The following GTF3C1 variants were observed in gnomAD, a reference collection of about 807,000 sequenced individuals.
GTF3C1 encodes the protein general transcription factor IIIC subunit 1, also known as general transcription factor 3C polypeptide 1.
Under a neutral mutation model 226.7 loss-of-function variants are expected in GTF3C1, and 57 were observed. The ratio of observed to expected loss-of-function variants is 0.25; its 90% CI spans 0.20 to 0.31. GTF3C1 has a LOEUF of 0.31. Ranked by LOEUF, GTF3C1 falls within the 10% of genes least tolerant of loss-of-function variation. The pLI is 1.00. For synonymous variants in GTF3C1, 1,090 were observed against 1,084.8 expected, an observed-to-expected ratio of 1.00 and a Z score of -0.09; for missense variants, 2,217 against 2,776.1, an observed-to-expected ratio of 0.80 and a Z score of 4.53.
Position 27,538,349 on chromosome 16 carries a change from TC to T in GTF3C1, c.438del (p.Lys147ArgfsTer3). 6.5e-7 allele frequency: 1 copy of T among 1,527,750 alleles called. No homozygotes were observed. Among genetic ancestry groups the T allele is most frequent in the Non-Finnish European group, 8.8e-7 (1 of 1,135,288 alleles). The allele number at this position is 1,527,750 out of a possible 1,614,324, so 94.6% of individuals were successfully genotyped here. A position where few individuals can be genotyped will look rare whatever the true frequency, so the allele number is the denominator to read the frequency against. On this transcript the variant is annotated frameshift_variant, in exon 3 of 37. Coordinates refer to ENST00000356183, the MANE Select transcript of GTF3C1 (RefSeq NM_001520.4). LOFTEE classifies it high-confidence loss of function. ...CTMVEAFDRWGKKLIIVASQA... is the reference protein window; with the variant it reads ...CTMVEAFDRWXKKLIIVASQA... ...TGGGAGGCAACGATGATCAGTTTCT[TC>T]CCCCACCTGCAAATCGGAAACAATC...
intron 19 of GTF3C1, among the ~76,000 whole-genome samples, chr16:27,491,734 CG>C (rs3842364): frequency 0.3 from 45,993 of 151,996 alleles, 8,030 homozygotes; most frequent in African/African-American, 0.49. Flanking sequence ...CACCAGTGGA[CG>C]GCCACTCTCC....
intron 3 of GTF3C1, 123 bp from the exon 4 acceptor site, chr16:27,538,050 T>A: frequency 7.6e-7 from 1 of 1,311,160 alleles, no homozygotes. Context: ...AAGAAAACAG[T>A]CACTGTGAGA....
chr16:27,494,939 A>G, intron 15 of GTF3C1, 31 bp from the exon 16 acceptor site: 1 of 1,602,844 alleles, frequency 6.2e-7, no homozygotes, highest in Non-Finnish European at 8.5e-7. Context: ...TACCCCCGGC[A>G]GCCAGGATAC....
Position 27,463,625 on chromosome 16 carries a change from G to A in GTF3C1, c.5873-33C>T, listed in dbSNP as rs201832975. ...AAGAGGAAGAGAATGTGAGAGACTC[G>A]GAAAGTCAGGGAAGCCATCTCTGCC... On this transcript the variant is annotated intron_variant, in intron 34 of 36. Coordinates refer to ENST00000356183, the MANE Select transcript of GTF3C1 (RefSeq NM_001520.4). The surrounding 1 kb of genome is among the most constrained non-coding windows in gnomAD (Gnocchi z 4.9). The A allele has an allele frequency of 1.1e-4, 146 of 1,312,954 alleles. No homozygotes were observed. The African/African-American group carries it at 1.6e-3, about 15-fold the overall frequency. 81.3% of individuals were successfully genotyped at this position (1,312,954 alleles called of 1,614,324 possible).
chr16:27,546,675 T>A (rs915110648), intron 1 of GTF3C1, among the ~76,000 whole-genome samples: 1 of 152,046 alleles, frequency 6.6e-6, no homozygotes, highest in South Asian at 2.1e-4. Context: ...CTCACTCATA[T>A]CCTACACTAG....
chr16:27,481,196 C>A lies in GTF3C1; in HGVS notation c.4084-5G>T, dbSNP rs1334452251. On this transcript the variant is annotated splice_polypyrimidine_tract_variant and splice_region_variant and intron_variant, in intron 26 of 36. Coordinates refer to ENST00000356183, the MANE Select transcript of GTF3C1 (RefSeq NM_001520.4). ...TTTAAACTCGTTGGCACAAACCTTT[C>A]AACATGAGAGCATGAGAGGTTAAGC... is the stretch of plus-strand genomic sequence containing the variant. The A allele has an allele frequency of 1.9e-6, 3 of 1,612,528 alleles. No homozygotes were observed. Among genetic ancestry groups the A allele is most frequent in the Non-Finnish European group, 2.5e-6 (3 of 1,178,536 alleles).
At position 27,506,690 on chromosome 16, in the gene GTF3C1, CA is replaced by C. The variant is rs548620972; in HGVS notation, c.1552+156del. ...GGAGATACCACAGGACCCTCTCCTC[CA>C]AACCCATGATGATGTGGTACAAGTG... On this transcript the variant is annotated intron_variant, in intron 9 of 36. Coordinates refer to ENST00000356183, the MANE Select transcript of GTF3C1 (RefSeq NM_001520.4). Among the ~76,000 whole-genome samples, 767 of 152,284 alleles carry C rather than the reference CA, an allele frequency of 5.0e-3. 4 individuals are homozygous for C. The highest frequency in any genetic ancestry group is 0.018 in the African/African-American group (733 of 41,542).
intron 6 of GTF3C1, among the ~76,000 whole-genome samples, chr16:27,519,742 A>G (rs1207955334): frequency 1.3e-5 from 2 of 152,050 alleles, no homozygotes; most frequent in Non-Finnish European, 2.9e-5. Context: ...GAGAGACAGA[A>G]GGAAAGAAAG....
At chr16:27,536,453 C>T (rs1450141938) in intron 4 of GTF3C1, among the ~76,000 whole-genome samples, 2 of 152,056 alleles carry the variant, frequency 1.3e-5, no homozygotes, top group African/African-American at 2.4e-5. Context: ...GAAAATTAGC[C>T]GGGTATGGTG....
In GTF3C1 at chr16:27,462,526, A is replaced by T. The variant is rs746666467; in HGVS notation, c.5925-40T>A. 6.6e-7 allele frequency: 1 copy of T among 1,523,448 alleles called. No homozygotes were observed. The allele number at this position is 1,523,448 out of a possible 1,614,324, so 94.4% of individuals were successfully genotyped here. ...CTTGACATCAGGGCTTGGTGGGGGC[A>T]GGAGGGCAGCTCGTCCAGACAGAAC... On this transcript the variant is annotated intron_variant, in intron 35 of 36. Coordinates refer to ENST00000356183, the MANE Select transcript of GTF3C1 (RefSeq NM_001520.4). This position sits in a 1 kb window ranked among gnomAD's most constrained non-coding sequence, Gnocchi z 4.5.
chr16:27,518,848 G>A (rs914760806), intron 6 of GTF3C1, among the ~76,000 whole-genome samples: 1 of 152,158 alleles, frequency 6.6e-6, no homozygotes, highest in African/African-American at 2.4e-5. Flanking sequence ...TAAAATGAGG[G>A]TAATTCTAAC....
intron 6 of GTF3C1, among the ~76,000 whole-genome samples, chr16:27,518,900 A>C (rs566552760): frequency 1.3e-5 from 2 of 152,324 alleles, no homozygotes; most frequent in East Asian, 3.9e-4. Context: ...TAAATTAATG[A>C]ATGCATTCAA....
At position 27,528,695 on chromosome 16, in the gene GTF3C1, A is replaced by G; in HGVS notation, c.876T>C (p.Arg292=). 6.2e-7 allele frequency: 1 copy of G among 1,613,644 alleles called. No homozygotes were observed. The highest frequency in any genetic ancestry group is 8.5e-7 in the Non-Finnish European group (1 of 1,179,510). ...ELGLCERTFK[R]LYQYMLNAGL... is the part of the protein sequence containing the mutation. ...CGGCGTTCAGCATATACTGGTACAG[A>G]CGCTTAAACGTCCTTTCGCACAGCC... Residue 292 remains arginine (R), a synonymous_variant, in exon 6 of 37, where the codon CGT becomes CGC. Coordinates refer to ENST00000356183, the MANE Select transcript of GTF3C1 (RefSeq NM_001520.4).
In GTF3C1 at chr16:27,471,624, A is replaced by G. The variant is rs563598809; in HGVS notation, c.4526+124T>C. 4.0e-6 allele frequency: 3 copies of G among 742,412 alleles called. No individual in the cohort carries two copies. Among genetic ancestry groups the G allele is most frequent in the Middle Eastern group, 2.5e-4 (1 of 3,978 alleles). The allele number at this position is 742,412 out of a possible 1,614,324, so 46.0% of individuals were successfully genotyped here. On this transcript the variant is annotated intron_variant, in intron 30 of 36. Coordinates refer to ENST00000356183, the MANE Select transcript of GTF3C1 (RefSeq NM_001520.4). The surrounding 1 kb of genome is among the most constrained non-coding windows in gnomAD (Gnocchi z 5.0). ...CAGGAAACCCAAGCCGGCATCTTGC[A>G]CATGAGGCTGCGAAGGTCCCTGGCT... is the stretch of plus-strand genomic sequence containing the variant.
In GTF3C1 at chr16:27,494,817, G is replaced by A; in HGVS notation, c.2724C>T (p.Ile908=). ...FGFGWALVSD[I]LLCLPLSIFI... is the part of the protein sequence containing the mutation. Reference sequence around the variant, plus strand: ...AGATGGAGAGGGGAAGGCAGAGGAGGATGTCGCTGACGAGAGCCCAGCCAA... The same window carrying A: ...AGATGGAGAGGGGAAGGCAGAGGAGAATGTCGCTGACGAGAGCCCAGCCAA... The change falls in exon 16 of 37, where the codon ATC becomes ATT. Residue 908 remains isoleucine, a synonymous_variant. Coordinates refer to ENST00000356183, the MANE Select transcript of GTF3C1 (RefSeq NM_001520.4). 4.3e-6 allele frequency: 7 copies of A among 1,612,414 alleles called. No individual in the cohort carries two copies. The highest frequency in any genetic ancestry group is 1.3e-5 in the African/African-American group (1 of 75,016).
chr16:27,524,824 T>C (rs865776455), intron 6 of GTF3C1, among the ~76,000 whole-genome samples: 2 of 152,240 alleles, frequency 1.3e-5, no homozygotes, highest in Non-Finnish European at 2.9e-5. Flanking sequence ...CCACAGGCCA[T>C]GAGTATTTAG....
At chr16:27,502,498 T>C (rs1357668783) in intron 11 of GTF3C1, among the ~76,000 whole-genome samples, 3 of 152,200 alleles carry the variant, frequency 2.0e-5, no homozygotes, top group Admixed American at 6.5e-5. Context: ...AGTCTGGAAG[T>C]AATGCTACTA....
chr16:27,538,463 A>C (rs1270188103), intron 2 of GTF3C1, 107 bp from the exon 3 acceptor site: 4 of 676,916 alleles, frequency 5.9e-6, no homozygotes, highest in East Asian at 2.8e-5. Flanking sequence ...TTCTGCTAGG[A>C]GTTTACAAGA....
intron 1 of GTF3C1, among the ~76,000 whole-genome samples, chr16:27,547,434 C>G (rs561867180): frequency 2.6e-5 from 4 of 152,090 alleles, no homozygotes; most frequent in Non-Finnish European, 4.4e-5. Context: ...CCACCTCCCC[C>G]AGACTCAACC....
Sources: gnomAD v4.1 joint callset for allele counts (sites outside exome capture counted in the v4.1 genomes callset) on GRCh38, gnomAD v4.1.1 for gene constraint, Gnocchi (gnomAD v3.1) non-coding constraint, MANE v1.5 for transcripts, NCBI Gene and HGNC (gene_info 2026-07-23, HGNC 2026-07-21) for gene names.